TBC1D30: variants seen among roughly 807,000 people sequenced by gnomAD.
TBC1D30 encodes the protein TBC1 domain family member 30, also known as TBC1 domain family, member 30.
In TBC1D30, 31 loss-of-function variants were observed where a neutral mutation model predicts 63.2. That is an observed-to-expected ratio of 0.49 (90% CI 0.37 to 0.66). The LOEUF (loss-of-function observed/expected upper bound fraction) is 0.66. Ranked by LOEUF, TBC1D30 falls within the 30% of genes least tolerant of loss-of-function variation. The pLI, the probability that TBC1D30 is intolerant of heterozygous loss-of-function variation, is 0.00. For synonymous variants in TBC1D30, 307 were observed against 361.5 expected, an observed-to-expected ratio of 0.85 and a Z score of 1.71; for missense variants, 810 against 953.6, an observed-to-expected ratio of 0.85 and a Z score of 1.98.
upstream of TBC1D30, among the ~76,000 whole-genome samples, chr12:64,778,266 G>A (rs13377629): frequency 6.6e-6 from 1 of 152,116 alleles, no homozygotes; most frequent in East Asian, 1.9e-4. Flanking sequence ...CATTCAATTA[G>A]TTAATTAAAC....
chr12:64,765,873 T>C (rs1176649854), intron 1 of TBC1D30, among the ~76,000 whole-genome samples: 1 of 150,316 alleles, frequency 6.7e-6, no homozygotes, highest in African/African-American at 2.5e-5. Flanking sequence ...TTAGCTGGGC[T>C]TGGTGGTATG....
At chr12:64,861,398 AT>A (rs200431580) in intron 8 of TBC1D30, among the ~76,000 whole-genome samples, 23 of 151,414 alleles carry the variant, frequency 1.5e-4, no homozygotes, top group South Asian at 2.1e-4. Context: ...ATATTCATTC[AT>A]TTTTTTTTAA....
At chr12:64,763,049 A>G (rs1870575122) in intron 1 of TBC1D30, among the ~76,000 whole-genome samples, 1 of 152,090 alleles carries the variant, frequency 6.6e-6, no homozygotes, top group Non-Finnish European at 1.5e-5. Flanking sequence ...TCCACGTCCC[A>G]GGTTCAAGCA....
At chr12:64,848,877 T>C (rs976559789) in intron 8 of TBC1D30, among the ~76,000 whole-genome samples, 2 of 152,210 alleles carry the variant, frequency 1.3e-5, no homozygotes, top group African/African-American at 4.8e-5. Flanking sequence ...TTGAACTAAT[T>C]TACACTCCCA....
At chr12:64,841,171 A>G (rs779121107) in intron 7 of TBC1D30, among the ~76,000 whole-genome samples, 2 of 152,210 alleles carry the variant, frequency 1.3e-5, no homozygotes, top group Admixed American at 6.5e-5. Flanking sequence ...CCATAAAAGC[A>G]TATAGGTAAT....
At chr12:64,855,891 T>C (rs1877256680) in intron 8 of TBC1D30, among the ~76,000 whole-genome samples, 1 of 152,232 alleles carries the variant, frequency 6.6e-6, no homozygotes, top group Non-Finnish European at 1.5e-5. Context: ...AAGAGTTAGG[T>C]ATTATAGTCT....
intron 8 of TBC1D30, among the ~76,000 whole-genome samples, chr12:64,846,156 C>G (rs1324143930): frequency 6.6e-6 from 1 of 151,334 alleles, no homozygotes; most frequent in African/African-American, 2.4e-5. Flanking sequence ...TGAGTTGTCT[C>G]TTTATGTTGT....
At chr12:64,803,117 T>C (rs1872679104) in intron 2 of TBC1D30, among the ~76,000 whole-genome samples, 1 of 152,198 alleles carries the variant, frequency 6.6e-6, no homozygotes, top group Non-Finnish European at 1.5e-5. Context: ...CCACCAACAG[T>C]GTAAAAGTGT....
chr12:64,763,070 C>A (rs1237668914), intron 1 of TBC1D30, among the ~76,000 whole-genome samples: 1 of 152,154 alleles, frequency 6.6e-6, no homozygotes, highest in Non-Finnish European at 1.5e-5. Context: ...ATTCTCCTGC[C>A]TCAGCCTCCT....
chr12:64,777,314 A>G (rs149402456), upstream of TBC1D30, among the ~76,000 whole-genome samples: 452 of 152,348 alleles, frequency 3.0e-3, no homozygotes, highest in African/African-American at 0.01. Flanking sequence ...GAGGAAGTCA[A>G]ACAATCCATG....
chr12:64,759,530 T>C, exon 1 of TBC1D30: 2 of 467,394 alleles, frequency 4.3e-6, no homozygotes, highest in South Asian at 4.0e-5. Flanking sequence ...CATCAGGCAG[T>C]GGCGGAAAAG....
At chr12:64,770,550 C>T (rs1245102973) in intron 1 of TBC1D30, among the ~76,000 whole-genome samples, 1 of 152,208 alleles carries the variant, frequency 6.6e-6, no homozygotes, top group Non-Finnish European at 1.5e-5. Flanking sequence ...CTTTGGGGCC[C>T]TTAAGTGCCC....
rs1206044947 is a variant in TBC1D30 at position 64,876,985 on chromosome 12, A to G, written c.*1197A>G. ...GACTTAGCCACATTTCCTTCAGTGC[A>G]ATAGGTGGGTTTAATGCTCTTTGTA... On this transcript the variant is annotated 3_prime_UTR_variant, in exon 12 of 12. Transcript: ENST00000539867. 9 of 451,380 alleles carry G rather than the reference A, an allele frequency of 2.0e-5. No homozygotes were observed. The highest frequency in any genetic ancestry group is 4.0e-5 in the African/African-American group (2 of 50,014). 28.0% of individuals were successfully genotyped at this position (451,380 alleles called of 1,614,324 possible).
intron 2 of TBC1D30, among the ~76,000 whole-genome samples, chr12:64,803,318 T>A (rs1045428813): frequency 2.6e-5 from 4 of 152,256 alleles, no homozygotes; most frequent in Non-Finnish European, 5.9e-5. Flanking sequence ...TCTGTTCATA[T>A]CCTTTGCCCA....
intron 1 of TBC1D30, among the ~76,000 whole-genome samples, chr12:64,774,447 G>A (rs138402046): frequency 2.0e-5 from 3 of 152,210 alleles, no homozygotes; most frequent in Non-Finnish European, 4.4e-5. Flanking sequence ...GAGAACCCCA[G>A]TAAGATACTC....
intron 1 of TBC1D30, among the ~76,000 whole-genome samples, chr12:64,765,241 C>T (rs1870663510): frequency 6.6e-6 from 1 of 152,004 alleles, no homozygotes; most frequent in African/African-American, 2.4e-5. Flanking sequence ...GCCTGTAATC[C>T]CAGCACTTTG....
intron 2 of TBC1D30, among the ~76,000 whole-genome samples, chr12:64,812,185 TTTAG>T (rs1310005968): frequency 1.3e-5 from 2 of 152,194 alleles, no homozygotes; most frequent in Non-Finnish European, 2.9e-5. Flanking sequence ...TATATTTTCC[TTTAG>T]TTGTTTTTTT....
chr12:64,839,722 A>G (rs149228334), intron 7 of TBC1D30, among the ~76,000 whole-genome samples: 1 of 152,188 alleles, frequency 6.6e-6, no homozygotes, highest in Non-Finnish European at 1.5e-5. Flanking sequence ...TCCACCAACT[A>G]TCGGCCGAGC....
upstream of TBC1D30, among the ~76,000 whole-genome samples, chr12:64,778,129 C>T (rs929565835): frequency 1.3e-5 from 2 of 152,154 alleles, 1 homozygote; most frequent in African/African-American, 4.8e-5. Context: ...TTCCTGGTGG[C>T]AGTAGTGTAG....
Sources: gnomAD v4.1 joint callset for allele counts (sites outside exome capture counted in the v4.1 genomes callset) on GRCh38, gnomAD v4.1.1 for gene constraint, MANE v1.5 for transcripts, NCBI Gene and HGNC (gene_info 2026-07-23, HGNC 2026-07-21) for gene names.